The following VPS53 variants were observed in gnomAD, a reference collection of about 807,000 sequenced individuals.
VPS53 encodes the protein vacuolar protein sorting-associated protein 53 homolog.
In VPS53, 70 loss-of-function variants were observed where a neutral mutation model predicts 107.0. The observed-to-expected ratio is 0.65, with a 90% CI of 0.54 to 0.80. The LOEUF (loss-of-function observed/expected upper bound fraction) is 0.80, where lower values mean the gene tolerates loss of function less well. Ranked by LOEUF, VPS53 falls within the 30% of genes least tolerant of loss-of-function variation. The pLI is 0.00. For missense variants in VPS53, 917 were observed against 1,049.4 expected (o/e 0.87, Z 1.74); for synonymous variants, 409 against 393.3 (o/e 1.04, Z -0.47).
At chr17:668,345 A>G (rs1971786059) in intron 4 of VPS53, among the ~76,000 whole-genome samples, 1 of 152,162 alleles carries the variant, frequency 6.6e-6, no homozygotes, top group South Asian at 2.1e-4. Flanking sequence ...CCACTGATTA[A>G]AAGTATCATG....
At chr17:714,340 C>A (rs1372771073) in intron 1 of VPS53, 2 of 453,758 alleles carry the variant, frequency 4.4e-6, no homozygotes, top group East Asian at 4.2e-5. Flanking sequence ...CACCCAAGGC[C>A]TGCATTCTCC....
intron 10 of VPS53, among the ~76,000 whole-genome samples, chr17:625,498 C>A (rs917426216): frequency 2.0e-5 from 3 of 147,810 alleles, no homozygotes; most frequent in South Asian, 2.1e-4. Flanking sequence ...AAAAGCCACA[C>A]AGAATGTATG....
chr17:568,806 G>A (rs1047486976), intron 13 of VPS53, among the ~76,000 whole-genome samples: 12 of 152,152 alleles, frequency 7.9e-5, no homozygotes, highest in African/African-American at 2.2e-4. Flanking sequence ...TAAACCCTGT[G>A]GTGTGAGATT....
rs1439097287 is a variant in VPS53, at chr17:520,196, C to T, written c.2224-266G>A. 6.6e-6 allele frequency among the ~76,000 whole-genome samples: 1 copy of T among 152,178 alleles called. No individual in the cohort carries two copies. The highest frequency in any genetic ancestry group is 1.5e-5 in the Non-Finnish European group (1 of 68,032). ...CAGCAATGTCCTAAATTTGCTGAAT[C>T]CTAAATACACCTGCGCTGCTGTTTG... is the stretch of plus-strand genomic sequence containing the variant. On this transcript the variant is annotated intron_variant, in intron 20 of 21. Coordinates refer to ENST00000437048, the MANE Select transcript of VPS53 (RefSeq NM_001128159.3). This position sits in a 1 kb window ranked among gnomAD's most constrained non-coding sequence, Gnocchi z 4.4.
intron 7 of VPS53, among the ~76,000 whole-genome samples, chr17:642,896 T>TCGAGGACAACACTCATACTTGGCAAC (rs1567700997): frequency 1.3e-5 from 1 of 74,970 alleles, no homozygotes; most frequent in East Asian, 4.2e-4. Flanking sequence ...TACTTGGAAA[T>TCGAGGACAACACTCATACTTGGCAAC]CGAGGACAAC....
At chr17:685,130 C>CA (rs1412643488) in intron 4 of VPS53, 3 of 152,126 alleles carry the variant, frequency 2.0e-5, no homozygotes, top group Non-Finnish European at 4.4e-5. Context: ...GTACTCAACA[C>CA]AAACAGCTGG....
intron 11 of VPS53, among the ~76,000 whole-genome samples, chr17:612,833 TAC>T (rs1421394680): frequency 1.3e-5 from 2 of 149,994 alleles, no homozygotes; most frequent in African/African-American, 5.0e-5. Flanking sequence ...TGAAAACCTG[TAC>T]AGATACTCAC....
intron 11 of VPS53, among the ~76,000 whole-genome samples, chr17:615,064 T>C (rs1421326387): frequency 6.6e-6 from 1 of 152,242 alleles, no homozygotes; most frequent in Non-Finnish European, 1.5e-5. Context: ...TTGAATCTAA[T>C]CATCAAGTCA....
In VPS53 at chr17:551,952, T is replaced by C. The variant is rs1911858531; in HGVS notation, c.1788-2A>G. 6.3e-7 allele frequency: 1 copy of C among 1,589,976 alleles called. No homozygotes were observed. Among genetic ancestry groups the C allele is most frequent in the Non-Finnish European group, 8.6e-7 (1 of 1,167,004 alleles). ...AGCTGAATACTGCTGGAGATGACGC[T>C]GCAAATCAAACAAATCACTGTGGTC... On this transcript the variant is annotated splice_acceptor_variant, in intron 16 of 21. Transcript: ENST00000437048. LOFTEE classifies it high-confidence loss of function.
At chr17:645,478 GT>G (rs910131231) in intron 7 of VPS53, among the ~76,000 whole-genome samples, 115 of 152,188 alleles carry the variant, frequency 7.6e-4, no homozygotes, top group African/African-American at 2.5e-3. Flanking sequence ...TGCTGATAGT[GT>G]TTTTTCATGC....
At chr17:566,064 C>T (rs924669838) in intron 13 of VPS53, among the ~76,000 whole-genome samples, 4 of 151,366 alleles carry the variant, frequency 2.6e-5, no homozygotes, top group East Asian at 1.9e-4. Flanking sequence ...ATTAGCCAGG[C>T]GTAGTGGCGG....
intron 17 of VPS53, chr17:538,890 T>C (rs1910344019): frequency 6.6e-6 from 1 of 152,240 alleles, no homozygotes; most frequent in Admixed American, 6.5e-5. Flanking sequence ...CATTATCTTT[T>C]ATCTTACGCA....
intron 8 of VPS53, among the ~76,000 whole-genome samples, chr17:629,136 A>G (rs1969836482): frequency 6.6e-6 from 1 of 152,214 alleles, no homozygotes; most frequent in Admixed American, 6.5e-5. Flanking sequence ...ACTCTTTCCA[A>G]TTCCACCCAT....
At chr17:530,282 C>G (rs1909438924) in intron 19 of VPS53, among the ~76,000 whole-genome samples, 1 of 151,800 alleles carries the variant, frequency 6.6e-6, no homozygotes, top group South Asian at 2.1e-4. Flanking sequence ...GCCTCTCGAG[C>G]AGCTGGGATT....
intron 4 of VPS53, among the ~76,000 whole-genome samples, chr17:695,978 T>C (rs945910074): frequency 6.6e-6 from 1 of 152,126 alleles, no homozygotes; most frequent in Non-Finnish European, 1.5e-5. Context: ...TGTCCCTCTG[T>C]AGGACCCCTC....
chr17:576,547 C>A (rs1416442459), intron 13 of VPS53, among the ~76,000 whole-genome samples: 1 of 151,048 alleles, frequency 6.6e-6, no homozygotes, highest in Admixed American at 6.6e-5. Context: ...GAACCTCCTC[C>A]AGCACCTAAT....
At chr17:670,158 G>A (rs528911520) in intron 4 of VPS53, among the ~76,000 whole-genome samples, 246 of 152,258 alleles carry the variant, frequency 1.6e-3, no homozygotes, top group Non-Finnish European at 1.8e-3. Context: ...AGCGGCGACT[G>A]TGTTTAATCT....
At chr17:594,130 A>T (rs1967823813) in intron 12 of VPS53, among the ~76,000 whole-genome samples, 1 of 150,928 alleles carries the variant, frequency 6.6e-6, no homozygotes. Flanking sequence ...GGACACAGGA[A>T]GGGGAACATC....
At chr17:665,172 T>C (rs1186745744) in intron 4 of VPS53, among the ~76,000 whole-genome samples, 1 of 152,238 alleles carries the variant, frequency 6.6e-6, no homozygotes, top group Non-Finnish European at 1.5e-5. Flanking sequence ...GAGTGGGTTC[T>C]TGATAAAAGG....
Sources: allele counts gnomAD v4.1 joint callset (sites outside exome capture counted in the v4.1 genomes callset), GRCh38; gene constraint gnomAD v4.1.1; non-coding constraint Gnocchi (gnomAD v3.1); transcripts MANE v1.5; gene names NCBI Gene and HGNC (gene_info 2026-07-23, HGNC 2026-07-21).